Variants in TRAK1 observed in about 807,000 individuals in gnomAD.
TRAK1 encodes trafficking kinesin-binding protein 1.
Under a neutral mutation model 92.1 loss-of-function variants are expected in TRAK1, and 33 were observed. The observed-to-expected ratio is 0.36, with a 90% CI of 0.27 to 0.48. The LOEUF is 0.48. Ranked by LOEUF, TRAK1 falls within the 20% of genes least tolerant of loss-of-function variation. The probability of loss-of-function intolerance (pLI) is 0.99; values close to 1 mark genes in which losing one functional copy is unlikely to be tolerated. For missense variants in TRAK1, 1,123 were observed against 1,257.9 expected (o/e 0.89, Z 1.62); for synonymous variants, 521 against 517.3 (o/e 1.01, Z -0.10).
chr3:42,176,697 C>CAGTG (rs1171054098), intron 2 of TRAK1, 117 bp from the exon 3 acceptor site: 4 of 878,294 alleles, frequency 4.6e-6, no homozygotes, highest in Non-Finnish European at 7.6e-6. Context: ...CCCAGCGAGC[C>CAGTG]AGTGACCCTC....
intron 2 of TRAK1, among the ~76,000 whole-genome samples, chr3:42,137,035 C>T (rs184760672): frequency 6.9e-4 from 105 of 152,128 alleles, no homozygotes; most frequent in African/African-American, 2.4e-3. Context: ...AAAATAAAAA[C>T]AAAAAGATGA....
chr3:42,095,293 T>C (rs146404152), intron 1 of TRAK1, among the ~76,000 whole-genome samples: 1 of 152,250 alleles, frequency 6.6e-6, no homozygotes, highest in African/African-American at 2.4e-5. Flanking sequence ...AGGCACAGAG[T>C]AGGCAGCTTA....
intron 1 of TRAK1, among the ~76,000 whole-genome samples, chr3:42,108,901 A>G (rs1435133069): frequency 6.6e-6 from 1 of 152,192 alleles, no homozygotes. Context: ...TGCTTAAGAA[A>G]TTCTCAAAGT....
At chr3:42,118,247 T>C (rs1354415484) in intron 1 of TRAK1, among the ~76,000 whole-genome samples, 1 of 151,612 alleles carries the variant, frequency 6.6e-6, no homozygotes, top group Admixed American at 6.6e-5. Flanking sequence ...ATCACGCCCA[T>C]CTAATTTTTT....
At chr3:42,031,711 T>C (rs915380743) in intron 1 of TRAK1, among the ~76,000 whole-genome samples, 1 of 152,186 alleles carries the variant, frequency 6.6e-6, no homozygotes, top group African/African-American at 2.4e-5. Context: ...TTGCTTAGGC[T>C]GTGTCTGGAT....
At chr3:42,211,049 G>T (rs1035734719) in intron 14 of TRAK1, 10 of 985,152 alleles carry the variant, frequency 1.0e-5, no homozygotes, top group East Asian at 1.1e-4. Flanking sequence ...GTGGAGTCAG[G>T]GGGGAGACTG....
intron 1 of TRAK1, among the ~76,000 whole-genome samples, chr3:42,119,990 C>T (rs973620132): frequency 6.6e-6 from 1 of 152,112 alleles, no homozygotes; most frequent in Admixed American, 6.6e-5. Flanking sequence ...CATTTGAGGT[C>T]AGGAGTTCGA....
At chr3:42,165,823 C>CT (rs1364229398) in intron 2 of TRAK1, among the ~76,000 whole-genome samples, 1 of 152,040 alleles carries the variant, frequency 6.6e-6, no homozygotes, top group African/African-American at 2.4e-5. Flanking sequence ...CCTCAGTATC[C>CT]ATGGCTACCC....
chr3:42,054,842 G>A (rs1703131012), intron 1 of TRAK1, among the ~76,000 whole-genome samples: 1 of 139,914 alleles, frequency 7.1e-6, no homozygotes, highest in African/African-American at 2.7e-5. Context: ...ATACAGCTGT[G>A]TATGCCCAAA....
intron 1 of TRAK1, among the ~76,000 whole-genome samples, chr3:42,025,893 G>C (rs74698316): frequency 6.6e-6 from 1 of 152,050 alleles, no homozygotes; most frequent in Non-Finnish European, 1.5e-5. Flanking sequence ...ACTGTACACA[G>C]AAAAAAGAGG....
chr3:42,019,077 G>A (rs1441786625), intron 1 of TRAK1, among the ~76,000 whole-genome samples: 1 of 151,814 alleles, frequency 6.6e-6, no homozygotes, highest in East Asian at 1.9e-4. Flanking sequence ...AGCCAAGATC[G>A]CACTACTGCA....
intron 1 of TRAK1, among the ~76,000 whole-genome samples, chr3:42,030,917 C>T (rs1702118128): frequency 6.6e-6 from 1 of 151,660 alleles, no homozygotes; most frequent in African/African-American, 2.4e-5. Flanking sequence ...GAAGGTAAAC[C>T]TCAAACTTCA....
chr3:42,131,796 G>A (rs1018069675), intron 2 of TRAK1, among the ~76,000 whole-genome samples: 20 of 151,162 alleles, frequency 1.3e-4, no homozygotes, highest in African/African-American at 4.4e-4. Flanking sequence ...GGTGGCTCAC[G>A]CCTGTAATCC....
chr3:42,070,876 T>A (rs1703903949), intron 1 of TRAK1, among the ~76,000 whole-genome samples: 1 of 152,226 alleles, frequency 6.6e-6, no homozygotes, highest in Non-Finnish European at 1.5e-5. Flanking sequence ...ATGTTTATAT[T>A]ATGCATTTAT....
chr3:42,055,895 C>A (rs1703187137), intron 1 of TRAK1, among the ~76,000 whole-genome samples: 1 of 151,144 alleles, frequency 6.6e-6, no homozygotes, highest in Non-Finnish European at 1.5e-5. Flanking sequence ...TATAGACTTT[C>A]CTCTTTTGGA....
At chr3:42,148,032 A>G (rs1213502465) in intron 2 of TRAK1, among the ~76,000 whole-genome samples, 1 of 151,980 alleles carries the variant, frequency 6.6e-6, no homozygotes, top group African/African-American at 2.4e-5. Context: ...AAACACACAC[A>G]CACACACACA....
At chr3:42,054,077 A>G (rs1239088784) in intron 1 of TRAK1, among the ~76,000 whole-genome samples, 1 of 152,216 alleles carries the variant, frequency 6.6e-6, no homozygotes, top group African/African-American at 2.4e-5. Context: ...TTGAGGATTC[A>G]GGGTAGACAG....
upstream of TRAK1, among the ~76,000 whole-genome samples, chr3:42,082,707 C>T (rs891565095): frequency 4.0e-5 from 6 of 151,642 alleles, no homozygotes; most frequent in Non-Finnish European, 7.4e-5. Context: ...ATGAAACTGT[C>T]TTAGTTTTCA....
At chr3:42,029,827 G>C (rs866694870) in intron 1 of TRAK1, among the ~76,000 whole-genome samples, 4 of 152,212 alleles carry the variant, frequency 2.6e-5, no homozygotes, top group African/African-American at 9.6e-5. Context: ...GTGATTACAG[G>C]TGTACGCCAC....
Sources: allele counts gnomAD v4.1 joint callset (sites outside exome capture counted in the v4.1 genomes callset), GRCh38; gene constraint gnomAD v4.1.1; transcripts MANE v1.5; gene names NCBI Gene and HGNC (gene_info 2026-07-23, HGNC 2026-07-21).